Variants in DAPK2 observed in about 807,000 individuals in gnomAD.
DAPK2 encodes death associated protein kinase 2, also known as death-associated protein kinase 2.
DAPK2 carries 35 observed loss-of-function variants against 44.1 expected under a neutral mutation model. The ratio of observed to expected loss-of-function variants is 0.79; its 90% CI spans 0.61 to 1.05. DAPK2 has a LOEUF of 1.05. Ranked by LOEUF, DAPK2 falls within the 50% of genes least tolerant of loss-of-function variation. The pLI is 0.00. For synonymous variants in DAPK2, 174 were observed against 182.6 expected (o/e 0.95, Z 0.38); for missense variants, 453 against 483.2 (o/e 0.94, Z 0.59).
intron 1 of DAPK2, among the ~76,000 whole-genome samples, chr15:64,008,274 C>G (rs1031133608): frequency 6.6e-6 from 1 of 152,066 alleles, no homozygotes; most frequent in Non-Finnish European, 1.5e-5. Flanking sequence ...TCAACTCTAC[C>G]CTATATGCAG....
At chr15:63,949,342 A>T (rs1165321535) in intron 3 of DAPK2, among the ~76,000 whole-genome samples, 1 of 152,148 alleles carries the variant, frequency 6.6e-6, no homozygotes, top group African/African-American at 2.4e-5. Context: ...AGAAATAAAA[A>T]TTCACTTTCA....
upstream of DAPK2, among the ~76,000 whole-genome samples, chr15:64,040,782 G>A (rs999460247): frequency 2.6e-5 from 4 of 150,956 alleles, no homozygotes; most frequent in African/African-American, 7.3e-5. Context: ...ACGGTGGCAT[G>A]CATCTGTAAT....
At chr15:63,946,264 G>A (rs767905467) in intron 3 of DAPK2, among the ~76,000 whole-genome samples, 16 of 152,256 alleles carry the variant, frequency 1.1e-4, no homozygotes, top group Admixed American at 4.6e-4. Context: ...GTGGTTGTCC[G>A]GTGGGGCACC....
At chr15:63,924,679 C>A in intron 8 of DAPK2, 137 bp downstream of exon 9, 1 of 929,572 alleles carries the variant, frequency 1.1e-6, no homozygotes, top group South Asian at 1.6e-5. Flanking sequence ...GGGCCCCTGG[C>A]TAGCTTTCAT....
At chr15:63,970,944 G>C (rs748331110) in intron 3 of DAPK2, among the ~76,000 whole-genome samples, 13 of 152,168 alleles carry the variant, frequency 8.5e-5, no homozygotes, top group Non-Finnish European at 1.5e-4. Flanking sequence ...TGTGAGTTGG[G>C]GAGGGCAGCC....
chr15:64,008,179 T>C (rs1352734392), intron 1 of DAPK2, among the ~76,000 whole-genome samples: 5 of 149,672 alleles, frequency 3.3e-5, no homozygotes. Context: ...TTTAGGACAC[T>C]ATAAATGGGT....
Position 63,972,451 on chromosome 15 carries a change from AG to A in DAPK2, c.315-891del, listed in dbSNP as rs372660985. On this transcript the variant is annotated intron_variant, in intron 2 of 10. Transcript: ENST00000261891. The stretch of plus-strand genomic sequence containing the variant: ...TCTCAATCTTCTTAGAGAATACCTA[AG>A]TGGCCATCAACAAAATATTTGTAGA... Among the ~76,000 whole-genome samples the A allele has an allele frequency of 6.2e-4, 94 of 152,340 alleles. 2 individuals carry two copies. The highest frequency in any genetic ancestry group is 2.2e-3 in the African/African-American group (90 of 41,580).
chr15:63,973,743 G>GT (rs2078273883), intron 2 of DAPK2, among the ~76,000 whole-genome samples: 1 of 152,180 alleles, frequency 6.6e-6, no homozygotes, highest in South Asian at 2.1e-4. Flanking sequence ...ATTAATTGGG[G>GT]TGGGGGGCAG....
chr15:64,031,602 T>C (rs77572137), intron 1 of DAPK2, among the ~76,000 whole-genome samples: 8,033 of 152,224 alleles, frequency 0.053, 360 homozygotes, highest in African/African-American at 0.13. Flanking sequence ...AGCAAGCATG[T>C]GTATGATCAG....
At chr15:64,005,059 G>A (rs945735097) in intron 1 of DAPK2, among the ~76,000 whole-genome samples, 3 of 152,120 alleles carry the variant, frequency 2.0e-5, no homozygotes, top group Non-Finnish European at 4.4e-5. Flanking sequence ...CAGGGAAACT[G>A]AGCCCAAAGC....
At chr15:63,974,498 T>G (rs1332965404) in intron 2 of DAPK2, among the ~76,000 whole-genome samples, 1 of 152,220 alleles carries the variant, frequency 6.6e-6, no homozygotes, top group Non-Finnish European at 1.5e-5. Context: ...GTGGATTTTC[T>G]GATTGGCAAT....
intron 3 of DAPK2, among the ~76,000 whole-genome samples, chr15:63,943,202 T>C (rs1355367604): frequency 1.3e-5 from 2 of 151,338 alleles, no homozygotes; most frequent in African/African-American, 4.9e-5. Context: ...GGCAGGAGGA[T>C]TGCTTAAGCC....
Position 63,930,458 on chromosome 15 carries a change from G to A in DAPK2, c.584-3C>T. ...CTCGTAGTTCACAATTTCTGGAGCTGAAAGAAGTCATATTAAATAGTCAAC... is the reference window on the plus strand; with the variant it reads ...CTCGTAGTTCACAATTTCTGGAGCTAAAAGAAGTCATATTAAATAGTCAAC... On this transcript the variant is annotated splice_region_variant and splice_polypyrimidine_tract_variant and intron_variant, in intron 4 of 10. Coordinates refer to ENST00000261891, the Ensembl canonical transcript of DAPK2. 6.2e-7 allele frequency: 1 copy of A among 1,614,148 alleles called. No homozygotes were observed. Among genetic ancestry groups the A allele is most frequent in the Non-Finnish European group, 8.5e-7 (1 of 1,179,968 alleles).
At chr15:63,924,229 T>A (rs1210774275) in intron 8 of DAPK2, among the ~76,000 whole-genome samples, 5 of 152,168 alleles carry the variant, frequency 3.3e-5, no homozygotes, top group African/African-American at 1.2e-4. Flanking sequence ...GAAGCCCGAC[T>A]GCAAGGCGAG....
At chr15:64,019,453 A>G (rs1304678353) in intron 1 of DAPK2, among the ~76,000 whole-genome samples, 1 of 152,242 alleles carries the variant, frequency 6.6e-6, no homozygotes, top group East Asian at 1.9e-4. Context: ...GGCAAAACAC[A>G]AAGGTCTAAG....
chr15:64,040,174 C>T (rs2080315231), exon 1 of DAPK2: 3 of 1,613,552 alleles, frequency 1.9e-6, no homozygotes, highest in South Asian at 2.2e-5. Context: ...TCCTACCTCC[C>T]CAGCTCCTCT....
At chr15:63,976,136 G>A (rs1038549671) in intron 2 of DAPK2, among the ~76,000 whole-genome samples, 1 of 152,116 alleles carries the variant, frequency 6.6e-6, no homozygotes, top group African/African-American at 2.4e-5. Context: ...TTACAAAATG[G>A]AACCTAAATC....
Position 63,939,151 on chromosome 15 carries a change from C to A in DAPK2, c.583+81G>T. 1.3e-6 allele frequency: 2 copies of A among 1,583,960 alleles called. No homozygotes were observed. The highest frequency in any genetic ancestry group is 2.3e-5 in the South Asian group (2 of 87,242). On this transcript the variant is annotated intron_variant, in intron 4 of 10. Coordinates refer to ENST00000261891, the Ensembl canonical transcript of DAPK2. The surrounding 1 kb of genome is among the most constrained non-coding windows in gnomAD (Gnocchi z 4.3). ...TCATCTCTTTGCTCAGAGGCCATAG[C>A]CCCAGACACAGGTTTCTTCCCAGGA...
intron 2 of DAPK2, 45 bp downstream of exon 3, chr15:63,983,488 C>G (rs774431033): frequency 6.3e-7 from 1 of 1,577,760 alleles, no homozygotes; most frequent in South Asian, 1.1e-5. Flanking sequence ...GCTCTGCCTG[C>G]CCCTGCTGCC....
Sources: allele counts gnomAD v4.1 joint callset (sites outside exome capture counted in the v4.1 genomes callset), GRCh38; gene constraint gnomAD v4.1.1; non-coding constraint Gnocchi (gnomAD v3.1); transcripts MANE v1.5; gene names NCBI Gene and HGNC (gene_info 2026-07-23, HGNC 2026-07-21).